PGS1: variants seen among roughly 807,000 people sequenced by gnomAD.
PGS1 encodes CDP-diacylglycerol--glycerol-3-phosphate 3-phosphatidyltransferase, mitochondrial.
PGS1 carries 44 observed loss-of-function variants against 58.3 expected under a neutral mutation model. The observed-to-expected ratio is 0.75, with a 90% CI of 0.59 to 0.97. The LOEUF is 0.97. PGS1 is among the 50% of genes least tolerant of loss of function. The pLI, the probability that PGS1 is intolerant of heterozygous loss-of-function variation, is 0.00. For missense variants in PGS1, 684 were observed against 731.1 expected, an observed-to-expected ratio of 0.94 and a Z score of 0.74; for synonymous variants, 330 against 311.0, an observed-to-expected ratio of 1.06 and a Z score of -0.64.
Position 78,420,207 on chromosome 17 carries a change from G to A in PGS1, c.*10+532G>A, listed in dbSNP as rs549228956. ...GCCTCGCTGACATCCCTGTGCTGCG[G>A]TTACAGAGCTGCGCCCTTCTAGACT... On this transcript the variant is annotated intron_variant, in intron 9 of 9. Transcript: ENST00000262764. 165 of 998,640 alleles carry A rather than the reference G, an allele frequency of 1.7e-4. No individual in the cohort carries two copies. In the South Asian group the frequency reaches 6.2e-3, roughly 37 times the overall value. The allele number at this position is 998,640 out of a possible 1,614,324, so 61.9% of individuals were successfully genotyped here. A position where few individuals can be genotyped will look rare whatever the true frequency, so the allele number is the denominator to read the frequency against.
In PGS1 at chr17:78,398,315, G is replaced by A; in HGVS notation, c.475G>A (p.Val159Ile). ...AGCAAAGTTTCCTTCAAATCTCAAGGTCTCCATTCTCTTAGACTTCACGCG... is the reference window on the plus strand; with the variant it reads ...AGCAAAGTTTCCTTCAAATCTCAAGATCTCCATTCTCTTAGACTTCACGCG... ...LQAKFPSNLK[V>I]SILLDFTRGS... The change falls in exon 4 of 10, where the codon GTC (valine) becomes ATC (isoleucine). Residue 159 changes from valine (V) to isoleucine (I), a missense_variant. Physicochemically the swap from Val to Ile is conservative, Grantham distance 29. Coordinates refer to ENST00000262764, the MANE Select transcript of PGS1 (RefSeq NM_024419.5). 1 of 1,614,010 alleles carries A rather than the reference G, an allele frequency of 6.2e-7. No homozygotes were observed. The highest frequency in any genetic ancestry group is 8.5e-7 in the Non-Finnish European group (1 of 1,179,960).
chr17:78,403,466 G>A, intron 6 of PGS1, 102 bp from the exon 7 acceptor site: 1 of 1,204,342 alleles, frequency 8.3e-7, no homozygotes, highest in Non-Finnish European at 1.2e-6. Context: ...ACATCCAGTT[G>A]TAGCGTCTGC....
chr17:78,419,475 G>A, intron 8 of PGS1, 71 bp from the exon 9 acceptor site: 1 of 1,380,202 alleles, frequency 7.2e-7, no homozygotes, highest in Non-Finnish European at 1.0e-6. Context: ...GGGCTGGGCT[G>A]GGGCCAGCCG....
chr17:78,403,627 G>A lies in PGS1; in HGVS notation c.940G>A (p.Ala314Thr), dbSNP rs751360272. ...NKRVMDVINS[A>T]RTRQQMLHAQ... ...GAGGGTCATGGATGTGATCAACTCA[G>A]CCAGGACCCGCCAGCAGATGCTGCA... Residue 314 changes from alanine to threonine, a missense_variant, in exon 7 of 10, where the codon GCC (alanine) becomes ACC (threonine). Transcript: ENST00000262764. 2 of 1,614,146 alleles carry A rather than the reference G, an allele frequency of 1.2e-6. No homozygotes were observed. The highest frequency in any genetic ancestry group is 1.1e-5 in the South Asian group (1 of 91,090).
chr17:78,402,967 G>T (rs1161381615), intron 6 of PGS1, among the ~76,000 whole-genome samples: 2 of 152,164 alleles, frequency 1.3e-5, no homozygotes, highest in African/African-American at 4.8e-5. Context: ...GCCTGAGCCT[G>T]CCCGTTCTTC....
chr17:78,398,298 T>TTCCTTCAAATCTCAAGGTC lies in PGS1; in HGVS notation c.462_480dup (p.Ile161PhefsTer56), dbSNP rs1187126928. The TTCCTTCAAATCTCAAGGTC allele has an allele frequency of 1.9e-6, 3 of 1,614,142 alleles. No homozygotes were observed. The highest frequency in any genetic ancestry group is 2.5e-6 in the Non-Finnish European group (3 of 1,179,988). Reference sequence around the variant, plus strand: ...CTAGAAAAGTCACTCCAAGCAAAGTTTCCTTCAAATCTCAAGGTCTCCATT... The same window carrying TTCCTTCAAATCTCAAGGTC: ...CTAGAAAAGTCACTCCAAGCAAAGTTTCCTTCAAATCTCAAGGTCTCCTTCAAATCTCAAGGTCTCCATT... On this transcript the variant is annotated frameshift_variant, in exon 4 of 10. Transcript: ENST00000262764. LOFTEE classifies it high-confidence loss of function.
At chr17:78,404,217 T>A in intron 7 of PGS1, 128 bp downstream of exon 7, 1 of 997,524 alleles carries the variant, frequency 1.0e-6, no homozygotes, top group Non-Finnish European at 1.4e-6. Context: ...CAGCAGCCCT[T>A]GCAGGCACAT....
chr17:78,411,215 C>T (rs949211243), intron 7 of PGS1, among the ~76,000 whole-genome samples: 4 of 152,128 alleles, frequency 2.6e-5, no homozygotes, highest in African/African-American at 9.7e-5. Flanking sequence ...TGCAGAACAG[C>T]AGGGGCACTG....
At chr17:78,395,900 T>C (rs1243128125) in intron 2 of PGS1, among the ~76,000 whole-genome samples, 1 of 152,148 alleles carries the variant, frequency 6.6e-6, no homozygotes, top group African/African-American at 2.4e-5. Context: ...CACCATGGCG[T>C]GGCTAATCTT....
chr17:78,412,831 G>C (rs2084834332), intron 7 of PGS1, among the ~76,000 whole-genome samples: 1 of 152,220 alleles, frequency 6.6e-6, no homozygotes, highest in Admixed American at 6.5e-5. Flanking sequence ...GGCTGATCTT[G>C]TCATCAGAAA....
intron 3 of PGS1, among the ~76,000 whole-genome samples, chr17:78,396,691 G>A (rs1465738967): frequency 6.6e-5 from 10 of 152,256 alleles, no homozygotes; most frequent in Non-Finnish European, 1.5e-5. Flanking sequence ...TTGGCCGACT[G>A]TGGCCTGCCA....
chr17:78,390,158 G>A (rs891722231), intron 1 of PGS1, among the ~76,000 whole-genome samples: 1 of 147,446 alleles, frequency 6.8e-6, no homozygotes, highest in Non-Finnish European at 1.5e-5. Context: ...CCCATTGTCC[G>A]GTGGTTTCTG....
At chr17:78,395,602 C>T (rs2083173670) in intron 2 of PGS1, among the ~76,000 whole-genome samples, 1 of 152,164 alleles carries the variant, frequency 6.6e-6, no homozygotes, top group Non-Finnish European at 1.5e-5. Context: ...GGAGAGGCCC[C>T]CTGGCTGTTA....
At chr17:78,395,599 C>G (rs974207233) in intron 2 of PGS1, among the ~76,000 whole-genome samples, 1 of 152,170 alleles carries the variant, frequency 6.6e-6, no homozygotes, top group Non-Finnish European at 1.5e-5. Flanking sequence ...TAGGGAGAGG[C>G]CCCCTGGCTG....
intron 7 of PGS1, among the ~76,000 whole-genome samples, chr17:78,409,764 G>T (rs1304252332): frequency 2.6e-5 from 4 of 152,212 alleles, no homozygotes; most frequent in Admixed American, 2.6e-4. Context: ...AGTGCTTGAG[G>T]GAGGAGTATG....
intron 1 of PGS1, among the ~76,000 whole-genome samples, chr17:78,385,860 G>A (rs2146080276): frequency 6.6e-6 from 1 of 152,346 alleles, no homozygotes. Flanking sequence ...AGGGCGCGTT[G>A]TCCTGCCTGG....
At position 78,398,302 on chromosome 17, in the gene PGS1, T is replaced by C. The variant is rs2083398029; in HGVS notation, c.462T>C (p.Pro154=). 1 of 1,614,028 alleles carries C rather than the reference T, an allele frequency of 6.2e-7. No individual in the cohort carries two copies. Among genetic ancestry groups the C allele is most frequent in the South Asian group, 1.1e-5 (1 of 91,082 alleles). Residue 154 remains proline (P), a synonymous_variant, in exon 4 of 10, where the codon CCT becomes CCC. Coordinates refer to ENST00000262764, the MANE Select transcript of PGS1 (RefSeq NM_024419.5). The part of the protein sequence containing the change: ...TLEKSLQAKF[P]SNLKVSILLD... ...AAAAGTCACTCCAAGCAAAGTTTCC[T>C]TCAAATCTCAAGGTCTCCATTCTCT...
rs142755212 is a variant in PGS1, at chr17:78,383,179, G to A, written c.143+4371G>A. 2.8e-3 allele frequency among the ~76,000 whole-genome samples: 421 copies of A among 152,204 alleles called. 2 individuals carry two copies. The highest frequency in any genetic ancestry group is 9.5e-3 in the African/African-American group (396 of 41,514). ...GAGTGTGTGTGTTGGATGGGTTAGG[G>A]GTTCTTAACTTCTCTGAGTTATAAG... On this transcript the variant is annotated intron_variant, in intron 1 of 9. Coordinates refer to ENST00000262764, the MANE Select transcript of PGS1 (RefSeq NM_024419.5).
chr17:78,401,114 C>T (rs912948273), intron 6 of PGS1, among the ~76,000 whole-genome samples: 8 of 152,078 alleles, frequency 5.3e-5, no homozygotes, highest in Non-Finnish European at 4.4e-5. Context: ...CAGGTTTGCA[C>T]TACAGGGAGG....
Sources: gnomAD v4.1 joint callset for allele counts (sites outside exome capture counted in the v4.1 genomes callset) on GRCh38, gnomAD v4.1.1 for gene constraint, MANE v1.5 for transcripts, NCBI Gene and HGNC (gene_info 2026-07-23, HGNC 2026-07-21) for gene names.